TSEN34: variants seen among roughly 807,000 people sequenced by gnomAD.
TSEN34 encodes tRNA-splicing endonuclease subunit Sen34.
In TSEN34, 25 loss-of-function variants were observed where a neutral mutation model predicts 30.2. That is an observed-to-expected ratio of 0.83 (90% CI 0.60 to 1.16). The LOEUF (loss-of-function observed/expected upper bound fraction) is 1.16, where lower values mean the gene tolerates loss of function less well. Among genes scored for constraint, TSEN34 ranks in the 50% most tolerant of loss-of-function variants. TSEN34 has a pLI of 0.00. For missense variants in TSEN34, 475 were observed against 411.9 expected (o/e 1.15, Z -1.33); for synonymous variants, 209 against 177.4 (o/e 1.18, Z -1.41).
In TSEN34 at chr19:54,193,535, T is replaced by C; in HGVS notation, c.*173T>C. ...ATGTTCTTCCTTGTTTCAAAGCACT[T>C]ATTGGCTGTGTTTTTGTAGTTACCT... On this transcript the variant is annotated 3_prime_UTR_variant, in exon 4 of 4. Coordinates refer to ENST00000396388, the MANE Select transcript of TSEN34 (RefSeq NM_001077446.4). The C allele has an allele frequency of 2.6e-6, 4 of 1,538,146 alleles. No individual in the cohort carries two copies. Among genetic ancestry groups the C allele is most frequent in the Non-Finnish European group, 3.5e-6 (4 of 1,146,084 alleles).
At chr19:54,192,430 TC>T in intron 3 of TSEN34, 57 bp downstream of exon 3, 1 of 1,580,080 alleles carries the variant, frequency 6.3e-7, no homozygotes, top group East Asian at 2.3e-5. Flanking sequence ...CCCAATGTAT[TC>T]TGCGTTTTTC....
Position 54,191,604 on chromosome 19 carries a change from C to G in TSEN34, c.240C>G (p.Ser80Arg). 6.2e-7 allele frequency: 1 copy of G among 1,603,670 alleles called. No homozygotes were observed. Among genetic ancestry groups the G allele is most frequent in the East Asian group, 2.2e-5 (1 of 44,744 alleles). ...SAPRPDSRHH[S>R]LALTSFKRQQ... ...CGCGTCCAGACTCTCGGCACCACAG[C>G]CTGGTAAGGGGGCGGGGCTCGAACT... is the stretch of plus-strand genomic sequence containing the variant. The change falls in exon 1 of 4, where the codon AGC (serine) becomes AGG (arginine). Residue 80 changes from serine to arginine, a missense_variant. Ser to Arg is a moderately radical substitution (Grantham distance 110). Transcript: ENST00000396388.
rs2076788393 is a variant in TSEN34 at position 54,193,563 on chromosome 19, T to G, written c.*201T>G. ...TGGCTGTGTTTTTGTAGTTACCTAT[T>G]TTCACACTGTGAGCTTCCCGAGAAT... On this transcript the variant is annotated 3_prime_UTR_variant, in exon 4 of 4. Coordinates refer to ENST00000396388, the MANE Select transcript of TSEN34 (RefSeq NM_001077446.4). 4.6e-6 allele frequency: 7 copies of G among 1,529,816 alleles called. No homozygotes were observed. In the South Asian group the frequency reaches 6.0e-5, roughly 13 times the overall value. 94.8% of individuals were successfully genotyped at this position (1,529,816 alleles called of 1,614,324 possible).
intron 3 of TSEN34, 110 bp downstream of exon 3, chr19:54,192,483 T>C: frequency 6.9e-7 from 1 of 1,447,360 alleles, no homozygotes; most frequent in Non-Finnish European, 9.5e-7. Context: ...GGTCTCTTGT[T>C]GCTTAGGCTG....
At chr19:54,192,076 C>G in intron 2 of TSEN34, 40 bp from the exon 3 acceptor site, 2 of 1,614,096 alleles carry the variant, frequency 1.2e-6, no homozygotes, top group Non-Finnish European at 8.5e-7. Flanking sequence ...AAGACTTTAC[C>G]CCTTGAATTT....
intron 3 of TSEN34, 102 bp from the exon 4 acceptor site, chr19:54,193,073 G>T: frequency 6.4e-7 from 1 of 1,551,920 alleles, no homozygotes. Context: ...AGTATCTATA[G>T]TGATGGCTGA....
In TSEN34 at chr19:54,191,707, A is replaced by T. The variant is rs959834808; in HGVS notation, c.244-14A>T. The T allele has an allele frequency of 6.2e-7, 1 of 1,613,724 alleles. No individual in the cohort carries two copies. Among genetic ancestry groups the T allele is most frequent in the Non-Finnish European group, 8.5e-7 (1 of 1,180,024 alleles). On this transcript the variant is annotated splice_polypyrimidine_tract_variant and intron_variant, in intron 1 of 3. Transcript: ENST00000396388. ...ACCATAAGCTTGGAGGTTCCAGCGA[A>T]GTGTGCTTCTCAGGCCCTGACATCC...
At position 54,192,368 on chromosome 19, in the gene TSEN34, A is replaced by G. The variant is rs752545816; in HGVS notation, c.740A>G (p.Tyr247Cys). ...AAGTTCGGAGGTGACTTCCTGGTCTATCCTGGTGAGTATGGGTTGGGGCCT... is the reference window on the plus strand; with the variant it reads ...AAGTTCGGAGGTGACTTCCTGGTCTGTCCTGGTGAGTATGGGTTGGGGCCT... The part of the protein sequence containing the change: ...AGKFGGDFLV[Y>C]PGDPLRFHAH... The change falls in exon 3 of 4, where the codon TAT becomes TGT. Residue 247 changes from tyrosine (Y) to cysteine (C), a missense_variant. Coordinates refer to ENST00000396388, the MANE Select transcript of TSEN34 (RefSeq NM_001077446.4). The G allele has an allele frequency of 1.2e-6, 2 of 1,613,622 alleles. No homozygotes were observed. The highest frequency in any genetic ancestry group is 1.3e-5 in the African/African-American group (1 of 74,770).
chr19:54,191,057 CACAGAGCGGGT>C, upstream of TSEN34: 1 of 1,264,274 alleles, frequency 7.9e-7, no homozygotes, highest in East Asian at 3.7e-5. Context: ...GCAGTGCGGG[CACAGAGCGGGT>C]GCCGACCGCA....
Position 54,191,354 on chromosome 19 carries a change from C to A in TSEN34, c.-11C>A. 1 of 1,549,578 alleles carries A rather than the reference C, an allele frequency of 6.5e-7. No individual in the cohort carries two copies. Among genetic ancestry groups the A allele is most frequent in the Non-Finnish European group, 8.7e-7 (1 of 1,146,950 alleles). ...TCGGTAACTGCTTTGCCTCCCGGCT[C>A]CCGCAGGAGGATGCTGGTGGTGGAG... On this transcript the variant is annotated 5_prime_UTR_variant, in exon 1 of 4. Coordinates refer to ENST00000396388, the MANE Select transcript of TSEN34 (RefSeq NM_001077446.4).
At position 54,191,925 on chromosome 19, in the gene TSEN34, A is replaced by G; in HGVS notation, c.448A>G (p.Thr150Ala). The G allele has an allele frequency of 6.2e-7, 1 of 1,614,094 alleles. No individual in the cohort carries two copies. The highest frequency in any genetic ancestry group is 8.5e-7 in the Non-Finnish European group (1 of 1,179,994). Reference protein sequence around the residue: ...GSSQAAKEDETSDGQASGEQE... With the variant: ...GSSQAAKEDEASDGQASGEQE... ...GAGCCAGGCTGCCAAAGAGGATGAG[A>G]CCAGTGATGGCCAGGCTTCGGGAGA... Residue 150 changes from threonine (T) to alanine (A), a missense_variant, in exon 2 of 4, where the codon ACC becomes GCC. Thr to Ala is a moderately conservative substitution (Grantham distance 58). Transcript: ENST00000396388.
At position 54,192,229 on chromosome 19, in the gene TSEN34, G is replaced by A; in HGVS notation, c.601G>A (p.Asp201Asn). Residue 201 changes from aspartate (D) to asparagine (N), a missense_variant, in exon 3 of 4, where the codon GAC becomes AAC. Physicochemically the swap from Asp to Asn is conservative, Grantham distance 23. Transcript: ENST00000396388. ...TCGACCGGTCAAGGCCAGGCCCCTG[G>A]ACTGGCGTGTCCAGTCTAAAGACTG... Reference protein sequence around the residue: ...RPRPVKARPLDWRVQSKDWPH... With the variant: ...RPRPVKARPLNWRVQSKDWPH... 1 of 1,614,028 alleles carries A rather than the reference G, an allele frequency of 6.2e-7. No homozygotes were observed. The highest frequency in any genetic ancestry group is 8.5e-7 in the Non-Finnish European group (1 of 1,179,948).
chr19:54,190,402 G>T, upstream of TSEN34: 1 of 1,484,714 alleles, frequency 6.7e-7, no homozygotes, highest in Non-Finnish European at 9.0e-7. Context: ...GTGGACAGTG[G>T]GACATTCTGA....
At chr19:54,191,298 G>C, upstream of TSEN34, 6 of 1,545,328 alleles carry the variant, frequency 3.9e-6, no homozygotes, top group Non-Finnish European at 5.2e-6. Flanking sequence ...GGCTTTGGGT[G>C]CGCTGCAGCG....
At position 54,193,624 on chromosome 19, in the gene TSEN34, T is replaced by C. The variant is rs186694687; in HGVS notation, c.*262T>C. The stretch of plus-strand genomic sequence containing the variant: ...TTTGATTCATCTGTTTTCTACAGGG[T>C]TTAAGTCTCAGGAGGTCTCAATAAA... On this transcript the variant is annotated 3_prime_UTR_variant, in exon 4 of 4. Coordinates refer to ENST00000396388, the MANE Select transcript of TSEN34 (RefSeq NM_001077446.4). The C allele has an allele frequency of 5.8e-4, 730 of 1,263,596 alleles. 5 individuals carry two copies. In the African/African-American group the frequency reaches 1.0e-2, roughly 17 times the overall value. The allele number at this position is 1,263,596 out of a possible 1,614,324, so 78.3% of individuals were successfully genotyped here. A position where few individuals can be genotyped will look rare whatever the true frequency, so the allele number is the denominator to read the frequency against.
chr19:54,192,394 C>T (rs2076743974), intron 3 of TSEN34, 21 bp downstream of exon 3: 3 of 1,613,676 alleles, frequency 1.9e-6, no homozygotes, highest in Admixed American at 1.7e-5. Context: ...GTTGGGGCCT[C>T]TGGTTGCTGT....
chr19:54,190,374 G>T, upstream of TSEN34: 1 of 1,511,828 alleles, frequency 6.6e-7, no homozygotes, highest in Non-Finnish European at 8.9e-7. Flanking sequence ...TTTATGAGGT[G>T]ACTCGCTGGT....
intron 3 of TSEN34, 68 bp downstream of exon 3, chr19:54,192,441 CTTT>C (rs11420984): frequency 6.0e-3 from 8,212 of 1,364,442 alleles, no homozygotes; most frequent in Admixed American, 9.7e-3. Context: ...CTGCGTTTTT[CTTT>C]TTTTTTTTTT....
rs1306654838 is a variant in TSEN34 at position 54,192,099 on chromosome 19, T to C, written c.488-17T>C. 1 of 1,614,186 alleles carries C rather than the reference T, an allele frequency of 6.2e-7. No homozygotes were observed. The highest frequency in any genetic ancestry group is 8.5e-7 in the Non-Finnish European group (1 of 1,180,022). On this transcript the variant is annotated splice_polypyrimidine_tract_variant and intron_variant, in intron 2 of 3. Transcript: ENST00000396388. ...ACCCCTTGAATTTACCAAACTCTTC[T>C]CTGTACTCCCCACCAGGCCCCTCGT...
Sources: allele counts gnomAD v4.1 joint callset, GRCh38; gene constraint gnomAD v4.1.1; transcripts MANE v1.5; gene names NCBI Gene and HGNC (gene_info 2026-07-23, HGNC 2026-07-21).